The following TBC1D22A variants were observed in gnomAD, a reference collection of about 807,000 sequenced individuals.
TBC1D22A encodes putative GTPase activator.
Under a neutral mutation model 60.2 loss-of-function variants are expected in TBC1D22A, and 38 were observed. The ratio of observed to expected loss-of-function variants is 0.63; its 90% CI spans 0.49 to 0.83. The LOEUF (loss-of-function observed/expected upper bound fraction) is 0.83, where lower values mean the gene tolerates loss of function less well. Among genes scored for constraint, TBC1D22A ranks in the 40% least tolerant of loss-of-function variants. The pLI, the probability that TBC1D22A is intolerant of heterozygous loss-of-function variation, is 0.00. For synonymous variants in TBC1D22A, 302 were observed against 281.7 expected (o/e 1.07, Z -0.72); for missense variants, 628 against 701.0 (o/e 0.90, Z 1.18).
chr22:47,111,480 T>C, intron 11 of TBC1D22A, 28 bp from the exon 12 acceptor site: 1 of 1,604,612 alleles, frequency 6.2e-7, no homozygotes, highest in Non-Finnish European at 8.5e-7. Flanking sequence ...CGTTACAATT[T>C]CTCTCTTGGT....
chr22:46,932,446 C>T (rs1448571607), intron 8 of TBC1D22A, among the ~76,000 whole-genome samples: 2 of 152,204 alleles, frequency 1.3e-5, no homozygotes, highest in Non-Finnish European at 2.9e-5. Flanking sequence ...GCATTTGTAT[C>T]CACGAGTGAC....
chr22:46,910,873 T>C (rs2069867702), intron 7 of TBC1D22A, among the ~76,000 whole-genome samples: 1 of 149,576 alleles, frequency 6.7e-6, no homozygotes, highest in Non-Finnish European at 1.5e-5. Flanking sequence ...GTGGCAGGCT[T>C]TCCAGGCAGC....
chr22:47,077,115 G>T (rs1003921626), intron 11 of TBC1D22A, among the ~76,000 whole-genome samples: 1 of 152,172 alleles, frequency 6.6e-6, no homozygotes, highest in Admixed American at 6.5e-5. Flanking sequence ...CTTGTTCCTG[G>T]TGCCAATGGC....
intron 8 of TBC1D22A, among the ~76,000 whole-genome samples, chr22:46,962,133 C>T (rs1354439179): frequency 6.6e-6 from 1 of 152,176 alleles, no homozygotes; most frequent in Non-Finnish European, 1.5e-5. Flanking sequence ...AGGATCCCAG[C>T]GGAGGACAGC....
intron 9 of TBC1D22A, among the ~76,000 whole-genome samples, chr22:46,995,739 T>C (rs974827408): frequency 6.6e-6 from 1 of 152,100 alleles, no homozygotes; most frequent in African/African-American, 2.4e-5. Flanking sequence ...GTGTGCCCTG[T>C]CACCCTTCCT....
intron 4 of TBC1D22A, among the ~76,000 whole-genome samples, chr22:46,870,519 C>T (rs1408380882): frequency 2.0e-5 from 3 of 152,174 alleles, no homozygotes; most frequent in African/African-American, 7.2e-5. Flanking sequence ...TCTCTTAGAG[C>T]ACTTAGGATT....
chr22:47,041,907 C>T (rs865935008), intron 11 of TBC1D22A, among the ~76,000 whole-genome samples: 8 of 152,234 alleles, frequency 5.3e-5, no homozygotes, highest in East Asian at 1.9e-4. Context: ...GAGGCACCAG[C>T]GAGCTGTGGT....
At chr22:47,108,488 G>A (rs1298560742) in intron 11 of TBC1D22A, among the ~76,000 whole-genome samples, 3 of 152,178 alleles carry the variant, frequency 2.0e-5, no homozygotes, top group African/African-American at 4.8e-5. Flanking sequence ...TGAAAATATT[G>A]GAAATGTAAG....
intron 7 of TBC1D22A, among the ~76,000 whole-genome samples, chr22:46,906,482 C>G (rs1464942732): frequency 1.3e-5 from 2 of 152,238 alleles, no homozygotes; most frequent in African/African-American, 4.8e-5. Context: ...CAGCACATCC[C>G]TCAGCAGGAA....
chr22:46,882,506 T>C (rs1394972646), intron 5 of TBC1D22A, among the ~76,000 whole-genome samples: 2 of 152,056 alleles, frequency 1.3e-5, no homozygotes, highest in Admixed American at 6.5e-5. Context: ...TTGAAAGTTA[T>C]GCGCTATGCC....
At chr22:46,772,790 G>C (rs2083545888) in intron 1 of TBC1D22A, among the ~76,000 whole-genome samples, 1 of 151,664 alleles carries the variant, frequency 6.6e-6, no homozygotes, top group African/African-American at 2.4e-5. Context: ...GGGATTACAG[G>C]TGCTCACCAC....
chr22:46,877,459 T>A (rs144530975), intron 4 of TBC1D22A, among the ~76,000 whole-genome samples: 2 of 152,306 alleles, frequency 1.3e-5, no homozygotes, highest in East Asian at 1.9e-4. Context: ...ACTGGGAACA[T>A]GGTCGGTAAA....
intron 11 of TBC1D22A, among the ~76,000 whole-genome samples, chr22:47,099,594 T>C: frequency 6.6e-6 from 1 of 152,056 alleles, no homozygotes. Flanking sequence ...TACAGGCATG[T>C]GCCACCACAC....
intron 4 of TBC1D22A, among the ~76,000 whole-genome samples, chr22:46,823,284 T>C (rs1401988849): frequency 1.3e-5 from 2 of 152,210 alleles, no homozygotes; most frequent in African/African-American, 2.4e-5. Context: ...AAAGGTGTGA[T>C]ATAGAAAAGT....
intron 12 of TBC1D22A, among the ~76,000 whole-genome samples, chr22:47,145,868 A>T (rs1272647463): frequency 6.6e-6 from 1 of 152,094 alleles, no homozygotes; most frequent in Non-Finnish European, 1.5e-5. Flanking sequence ...TCTGAAAAGT[A>T]GGGGTTGACT....
At chr22:47,134,921 C>T (rs1056080986) in intron 12 of TBC1D22A, among the ~76,000 whole-genome samples, 4 of 152,196 alleles carry the variant, frequency 2.6e-5, no homozygotes, top group African/African-American at 7.2e-5. Context: ...CCAGCTCTCC[C>T]GGAGCCTTGG....
chr22:46,785,760 A>G (rs574114784), intron 1 of TBC1D22A, among the ~76,000 whole-genome samples: 59 of 152,356 alleles, frequency 3.9e-4, no homozygotes, highest in African/African-American at 1.3e-3. Flanking sequence ...AGATTGATCT[A>G]CGTTGTAGCT....
At chr22:46,961,245 T>TA (rs1209581227) in intron 8 of TBC1D22A, among the ~76,000 whole-genome samples, 1 of 152,178 alleles carries the variant, frequency 6.6e-6, no homozygotes, top group East Asian at 1.9e-4. Context: ...TCTTGTTTTG[T>TA]AAAAAATCAG....
At chr22:47,004,934 A>G (rs1220365797) in intron 10 of TBC1D22A, among the ~76,000 whole-genome samples, 1 of 151,826 alleles carries the variant, frequency 6.6e-6, no homozygotes, top group Non-Finnish European at 1.5e-5. Context: ...ACCTACATAC[A>G]TATCCCTATA....
Sources: gnomAD v4.1 joint callset for allele counts (sites outside exome capture counted in the v4.1 genomes callset) on GRCh38, gnomAD v4.1.1 for gene constraint, MANE v1.5 for transcripts, NCBI Gene and HGNC (gene_info 2026-07-23, HGNC 2026-07-21) for gene names.